LAPTM5: variants seen among roughly 807,000 people sequenced by gnomAD.
LAPTM5 encodes the protein lysosomal-associated transmembrane protein 5.
Under a neutral mutation model 30.1 loss-of-function variants are expected in LAPTM5, and 11 were observed. The ratio of observed to expected loss-of-function variants is 0.37; its 90% CI spans 0.23 to 0.60. LAPTM5 has a LOEUF of 0.60. Among genes scored for constraint, LAPTM5 ranks in the 20% least tolerant of loss-of-function variants. LAPTM5 has a pLI of 0.71. For missense variants in LAPTM5, 324 were observed against 332.5 expected, an observed-to-expected ratio of 0.97 and a Z score of 0.20; for synonymous variants, 151 against 137.9, an observed-to-expected ratio of 1.10 and a Z score of -0.67.
chr1:30,738,290 CT>C (rs1401473052), intron 5 of LAPTM5, among the ~76,000 whole-genome samples: 1 of 152,222 alleles, frequency 6.6e-6, no homozygotes, highest in Non-Finnish European at 1.5e-5. Flanking sequence ...AAGACACTGC[CT>C]TTCCTCCTTG....
rs1481835714 is a variant in LAPTM5, at chr1:30,739,052, T to A, written c.398A>T (p.Lys133Met). Reference protein sequence around the residue: ...LASRSRASSSKFPLMTLQLLD... With the variant: ...LASRSRASSSMFPLMTLQLLD... ...CAGCTGCAGCGTCATCAGGGGGAAC[T>A]TGGAGGAGCTCTGGGGAGGACAAAT... is the stretch of plus-strand genomic sequence containing the variant. The change falls in exon 5 of 8, where the codon AAG (lysine) becomes ATG (methionine). Residue 133 changes from lysine (K) to methionine (M), a missense_variant. Lys to Met is a moderately conservative substitution (Grantham distance 95). Transcript: ENST00000294507. This position sits in a 1 kb window ranked among gnomAD's most constrained non-coding sequence, Gnocchi z 4.2. 1 of 1,595,306 alleles carries A rather than the reference T, an allele frequency of 6.3e-7. No homozygotes were observed. Among genetic ancestry groups the A allele is most frequent in the African/African-American group, 1.3e-5 (1 of 74,724 alleles).
intron 1 of LAPTM5, among the ~76,000 whole-genome samples, chr1:30,755,422 T>G (rs572855382): frequency 6.6e-6 from 1 of 151,846 alleles, no homozygotes; most frequent in Admixed American, 6.6e-5. Context: ...CTTTATCACC[T>G]CCTCCCCAAA....
In LAPTM5 at chr1:30,739,185, T is replaced by A. The variant is rs1414459118; in HGVS notation, c.388-123A>T. On this transcript the variant is annotated intron_variant, in intron 4 of 7. Coordinates refer to ENST00000294507, the MANE Select transcript of LAPTM5 (RefSeq NM_006762.3). The surrounding 1 kb of genome is among the most constrained non-coding windows in gnomAD (Gnocchi z 4.2). ...CAGCTACAGACATCAGTGACTCTCG[T>A]CCCCTGTGCACAGAGAGACATGAAC... 8 of 1,251,710 alleles carry A rather than the reference T, an allele frequency of 6.4e-6. No individual in the cohort carries two copies. The highest frequency in any genetic ancestry group is 8.8e-6 in the Non-Finnish European group (8 of 907,424). The allele number at this position is 1,251,710 out of a possible 1,614,324, so 77.5% of individuals were successfully genotyped here. A position where few individuals can be genotyped will look rare whatever the true frequency, so the allele number is the denominator to read the frequency against.
chr1:30,752,420 C>G (rs566720319), intron 1 of LAPTM5, among the ~76,000 whole-genome samples: 1 of 152,210 alleles, frequency 6.6e-6, no homozygotes. Flanking sequence ...CACCTCGTGG[C>G]CACCCCTCCT....
intron 1 of LAPTM5, among the ~76,000 whole-genome samples, chr1:30,748,426 A>G (rs1640080321): frequency 6.6e-6 from 1 of 151,824 alleles, no homozygotes; most frequent in Non-Finnish European, 1.5e-5. Flanking sequence ...TTCTGCCATC[A>G]TCATTATTAT....
At chr1:30,756,984 G>A (rs2124205622) in intron 1 of LAPTM5, among the ~76,000 whole-genome samples, 1 of 152,334 alleles carries the variant, frequency 6.6e-6, no homozygotes, top group Admixed American at 6.5e-5. Flanking sequence ...AGGAAAGGAG[G>A]AACCAGTGAC....
intron 1 of LAPTM5, among the ~76,000 whole-genome samples, chr1:30,755,050 G>A (rs1427559930): frequency 6.6e-6 from 1 of 152,188 alleles, no homozygotes; most frequent in Admixed American, 6.5e-5. Flanking sequence ...GGTGCAGGAA[G>A]ATAACCCCCC....
chr1:30,748,454 G>A (rs1348932531), intron 1 of LAPTM5, among the ~76,000 whole-genome samples: 1 of 152,100 alleles, frequency 6.6e-6, no homozygotes, highest in Admixed American at 6.5e-5. Context: ...CCTCCCTGAA[G>A]CTCAGTCCCC....
At chr1:30,754,288 T>C (rs1387490453) in intron 1 of LAPTM5, among the ~76,000 whole-genome samples, 2 of 152,066 alleles carry the variant, frequency 1.3e-5, no homozygotes, top group East Asian at 1.9e-4. Context: ...TCCCAGCGCG[T>C]TGGGAGGCCA....
At chr1:30,753,995 A>G (rs528960253) in intron 1 of LAPTM5, among the ~76,000 whole-genome samples, 2 of 152,306 alleles carry the variant, frequency 1.3e-5, no homozygotes, top group East Asian at 3.9e-4. Context: ...ACCCAAATAC[A>G]TTTCCTCCTC....
chr1:30,749,587 G>A (rs910443195), intron 1 of LAPTM5, among the ~76,000 whole-genome samples: 6 of 152,142 alleles, frequency 3.9e-5, no homozygotes, highest in African/African-American at 7.2e-5. Context: ...AGACCCAAAC[G>A]AGCATCCAGG....
At chr1:30,756,263 T>C (rs900081474) in intron 1 of LAPTM5, among the ~76,000 whole-genome samples, 3 of 152,200 alleles carry the variant, frequency 2.0e-5, no homozygotes, top group Non-Finnish European at 2.9e-5. Flanking sequence ...AGCTCTTGCA[T>C]TGGCAGGAGC....
chr1:30,733,982 T>A, intron 7 of LAPTM5, 65 bp from the exon 8 acceptor site: 1 of 1,542,680 alleles, frequency 6.5e-7, no homozygotes, highest in South Asian at 1.2e-5. Context: ...CAACCTGGGG[T>A]CATGGGACCC....
intron 1 of LAPTM5, among the ~76,000 whole-genome samples, chr1:30,755,239 T>C (rs1305784237): frequency 6.6e-6 from 1 of 151,586 alleles, no homozygotes; most frequent in Non-Finnish European, 1.5e-5. Context: ...TTATCACAAG[T>C]GGCAGGGTAG....
Position 30,737,705 on chromosome 1 carries a change from A to G in LAPTM5, c.511-6T>C. 1 of 1,601,490 alleles carries G rather than the reference A, an allele frequency of 6.2e-7. No individual in the cohort carries two copies. Among genetic ancestry groups the G allele is most frequent in the Non-Finnish European group, 8.6e-7 (1 of 1,168,820 alleles). On this transcript the variant is annotated splice_region_variant and splice_polypyrimidine_tract_variant and intron_variant, in intron 5 of 7. Coordinates refer to ENST00000294507, the MANE Select transcript of LAPTM5 (RefSeq NM_006762.3). ...TCCTGGCTGGGGAGGTAATTCTGCAACAGATTTGGGGGCCACATCAATGTC... is the reference window on the plus strand; with the variant it reads ...TCCTGGCTGGGGAGGTAATTCTGCAGCAGATTTGGGGGCCACATCAATGTC...
chr1:30,746,910 G>C lies in LAPTM5; in HGVS notation c.88-4361C>G, dbSNP rs1229726749. Among the ~76,000 whole-genome samples, 1 of 152,158 alleles carries C rather than the reference G, an allele frequency of 6.6e-6. No homozygotes were observed. The highest frequency in any genetic ancestry group is 2.1e-4 in the South Asian group (1 of 4,828). On this transcript the variant is annotated intron_variant, in intron 1 of 7. Transcript: ENST00000294507. This position sits in a 1 kb window ranked among gnomAD's most constrained non-coding sequence, Gnocchi z 4.0. Reference sequence around the variant, plus strand: ...CATAAACAAGCACAATTGGGTGGTGGTTTTTGCTACCTCTGGGCATTCACT... The same window carrying C: ...CATAAACAAGCACAATTGGGTGGTGCTTTTTGCTACCTCTGGGCATTCACT...
intron 6 of LAPTM5, among the ~76,000 whole-genome samples, 160 bp from the exon 7 acceptor site, chr1:30,735,425 G>T (rs1373403867): frequency 1.3e-5 from 2 of 152,186 alleles, no homozygotes; most frequent in African/African-American, 2.4e-5. Context: ...TTCCTCACCA[G>T]CCAGTCCAGA....
chr1:30,741,856 C>T (rs988903724), intron 2 of LAPTM5, 140 bp from the exon 3 acceptor site: 2 of 570,548 alleles, frequency 3.5e-6, no homozygotes, highest in African/African-American at 1.9e-5. Flanking sequence ...TCTTGCAGTC[C>T]TGAGTCTGGA....
rs750675040 is a variant in LAPTM5 at position 30,733,662 on chromosome 1, T to C, written c.*166A>G. 18 of 1,533,708 alleles carry C rather than the reference T, an allele frequency of 1.2e-5. No individual in the cohort carries two copies. The highest frequency in any genetic ancestry group is 1.5e-5 in the Non-Finnish European group (17 of 1,146,192). Reference sequence around the variant, plus strand: ...AAGCGTTGACCCAGTTGTGAGCAGCTCACAGGCCCTGCAGGAGGAGCAGGC... The same window carrying C: ...AAGCGTTGACCCAGTTGTGAGCAGCCCACAGGCCCTGCAGGAGGAGCAGGC... On this transcript the variant is annotated 3_prime_UTR_variant, in exon 8 of 8. Coordinates refer to ENST00000294507, the MANE Select transcript of LAPTM5 (RefSeq NM_006762.3).
Sources: gnomAD v4.1 joint callset for allele counts (sites outside exome capture counted in the v4.1 genomes callset) on GRCh38, gnomAD v4.1.1 for gene constraint, Gnocchi (gnomAD v3.1) non-coding constraint, MANE v1.5 for transcripts, NCBI Gene and HGNC (gene_info 2026-07-23, HGNC 2026-07-21) for gene names.